PLEKHH2: variants seen among roughly 807,000 people sequenced by gnomAD.
PLEKHH2 encodes pleckstrin homology, MyTH4 and FERM domain containing H2.
In PLEKHH2, 129 loss-of-function variants were observed where a neutral mutation model predicts 187.9. The ratio of observed to expected loss-of-function variants is 0.69; its 90% CI spans 0.59 to 0.79. The LOEUF (loss-of-function observed/expected upper bound fraction) is 0.79. PLEKHH2 is among the 30% of genes least tolerant of loss of function. The probability of loss-of-function intolerance (pLI) is 0.00; values close to 1 mark genes in which losing one functional copy is unlikely to be tolerated. For synonymous variants in PLEKHH2, 686 were observed against 605.6 expected (o/e 1.13, Z -1.95); for missense variants, 2,076 against 1,751.2 (o/e 1.19, Z -3.31).
chr2:43,741,580 A>C (rs1442813153), intron 21 of PLEKHH2, among the ~76,000 whole-genome samples: 1 of 152,224 alleles, frequency 6.6e-6, no homozygotes, highest in East Asian at 1.9e-4. Flanking sequence ...TTTGTCCACC[A>C]AGAGGTTTGT....
At chr2:43,680,624 C>A in intron 3 of PLEKHH2, 1 of 277,332 alleles carries the variant, frequency 3.6e-6, no homozygotes, top group Non-Finnish European at 7.1e-6. Context: ...CTGTTCTTTC[C>A]ACTAATTTTG....
intron 14 of PLEKHH2, chr2:43,711,227 CT>C (rs1319406586): frequency 8.9e-5 from 88 of 985,344 alleles, no homozygotes; most frequent in Non-Finnish European, 1.0e-4. Context: ...TATATTGCTC[CT>C]TTGGAGGGTG....
In PLEKHH2 at chr2:43,656,894, C is replaced by A. The variant is rs12993742; in HGVS notation, c.123+12098C>A. ...ATTAGCCAGGCATGGTGGCAAGTAT[C>A]TGTAATCCCAGCTACTTGGGAGGCT... On this transcript the variant is annotated intron_variant, in intron 2 of 29. Transcript: ENST00000282406. Among the ~76,000 whole-genome samples, 573 of 152,054 alleles carry A rather than the reference C, an allele frequency of 3.8e-3. 3 individuals are homozygous for A. The highest frequency in any genetic ancestry group is 4.8e-3 in the Non-Finnish European group (324 of 67,980).
At chr2:43,765,308 C>A in intron 29 of PLEKHH2, 105 bp from the exon 30 acceptor site, 1 of 1,037,532 alleles carries the variant, frequency 9.6e-7, no homozygotes, top group Non-Finnish European at 1.4e-6. Context: ...ATTCTGGTAG[C>A]CTGGGCACTT....
chr2:43,757,401 G>A lies in PLEKHH2; in HGVS notation c.3941+137G>A, dbSNP rs536168800. 4 of 575,206 alleles carry A rather than the reference G, an allele frequency of 7.0e-6. No individual in the cohort carries two copies. In the South Asian group the frequency reaches 2.5e-4, roughly 37 times the overall value. The allele number at this position is 575,206 out of a possible 1,614,324, so 35.6% of individuals were successfully genotyped here. A position where few individuals can be genotyped will look rare whatever the true frequency, so the allele number is the denominator to read the frequency against. ...TTTTTAACATGATTGAGCCACAGGA[G>A]ATTATAGATTTTTTTTCTTTCTTTT... On this transcript the variant is annotated intron_variant, in intron 26 of 29. Coordinates refer to ENST00000282406, the MANE Select transcript of PLEKHH2 (RefSeq NM_172069.4).
At chr2:43,698,588 A>G (rs1198078016) in intron 7 of PLEKHH2, among the ~76,000 whole-genome samples, 2 of 151,558 alleles carry the variant, frequency 1.3e-5, no homozygotes, top group Admixed American at 1.3e-4. Context: ...AGCCATTTTC[A>G]TTTCCTTCCC....
At chr2:43,651,762 T>A (rs969021756) in intron 2 of PLEKHH2, among the ~76,000 whole-genome samples, 3 of 152,220 alleles carry the variant, frequency 2.0e-5, no homozygotes, top group Admixed American at 2.0e-4. Flanking sequence ...ATCTCTGTAA[T>A]GGGAATAACA....
Position 43,710,533 on chromosome 2 carries a change from A to G in PLEKHH2, c.2259A>G (p.Ala753=), listed in dbSNP as rs1333357757. The G allele has an allele frequency of 3.8e-6, 6 of 1,596,650 alleles. No individual in the cohort carries two copies. The highest frequency in any genetic ancestry group is 5.1e-6 in the Non-Finnish European group (6 of 1,176,188). The change falls in exon 14 of 30, where the codon GCA becomes GCG. Residue 753 remains alanine, a synonymous_variant. Coordinates refer to ENST00000282406, the MANE Select transcript of PLEKHH2 (RefSeq NM_172069.4). ...RKPQGHIELS[A]SCSILRGDNK... is the part of the protein sequence containing the mutation. ...CCCAGGGCCATATTGAACTTAGTGC[A>G]TCCTGTAGTATTTTAAGAGGAGATA...
chr2:43,722,146 C>T (rs1008846534), intron 16 of PLEKHH2, among the ~76,000 whole-genome samples: 2 of 149,224 alleles, frequency 1.3e-5, no homozygotes, highest in Non-Finnish European at 3.0e-5. Flanking sequence ...GTCCTGGCTA[C>T]TTGGGAGGCT....
At chr2:43,743,753 T>C (rs1176576060) in intron 22 of PLEKHH2, 81 bp from the exon 23 acceptor site, 3 of 1,273,350 alleles carry the variant, frequency 2.4e-6, no homozygotes, top group Non-Finnish European at 3.2e-6. Context: ...ATGCATCAAG[T>C]ATGCTCTGTT....
chr2:43,699,558 A>T, intron 7 of PLEKHH2, 89 bp from the exon 8 acceptor site: 1 of 1,463,030 alleles, frequency 6.8e-7, no homozygotes, highest in South Asian at 1.4e-5. Flanking sequence ...CTACAGTGTC[A>T]ATTTCTACAG....
In PLEKHH2 at chr2:43,700,390, A is replaced by G. The variant is rs763034752; in HGVS notation, c.1432A>G (p.Met478Val). ...TGGTACAAATAGAAACGCTATAAGC[A>G]TGATACGACCACTGAGACCTCAGGA... is the stretch of plus-strand genomic sequence containing the variant. ...MFGTNRNAIS[M>V]IRPLRPQETD... Residue 478 changes from methionine (M) to valine (V), a missense_variant, in exon 8 of 30, where the codon ATG becomes GTG. Transcript: ENST00000282406. 1.9e-6 allele frequency: 3 copies of G among 1,614,074 alleles called. No homozygotes were observed. The highest frequency in any genetic ancestry group is 1.3e-5 in the African/African-American group (1 of 74,928).
chr2:43,651,221 T>C (rs1452437971), intron 2 of PLEKHH2, among the ~76,000 whole-genome samples: 1 of 152,112 alleles, frequency 6.6e-6, no homozygotes, highest in African/African-American at 2.4e-5. Context: ...GTATTCATTA[T>C]GCCTGCCTCA....
intron 25 of PLEKHH2, among the ~76,000 whole-genome samples, chr2:43,756,218 TAATGAG>T (rs145167321): frequency 0.012 from 1,871 of 152,214 alleles, 47 homozygotes; most frequent in African/African-American, 0.043. Flanking sequence ...AGGAACAAAG[TAATGAG>T]AATATGGTTC....
At chr2:43,703,938 T>G in intron 8 of PLEKHH2, 43 bp from the exon 9 acceptor site, 5 of 465,760 alleles carry the variant, frequency 1.1e-5, no homozygotes, top group Admixed American at 3.9e-5. Context: ...TTTTTTTTTT[T>G]TTTGCTTTAA....
chr2:43,725,820 A>C (rs1237190846), intron 16 of PLEKHH2, among the ~76,000 whole-genome samples: 1 of 152,178 alleles, frequency 6.6e-6, no homozygotes, highest in Non-Finnish European at 1.5e-5. Flanking sequence ...ATTTTTAAAA[A>C]GGTATGTTAT....
chr2:43,676,113 A>G (rs1558462381), intron 2 of PLEKHH2: 1 of 1,613,970 alleles, frequency 6.2e-7, no homozygotes, highest in Non-Finnish European at 8.5e-7. Flanking sequence ...TGATACAGAA[A>G]ACACGAATAC....
chr2:43,713,669 T>G (rs1022258143), intron 15 of PLEKHH2, among the ~76,000 whole-genome samples: 2 of 151,634 alleles, frequency 1.3e-5, no homozygotes, highest in African/African-American at 4.8e-5. Flanking sequence ...TGTTTTTTTT[T>G]TTTTTACAAT....
chr2:43,719,768 T>C (rs1670391853), intron 15 of PLEKHH2, among the ~76,000 whole-genome samples: 1 of 152,230 alleles, frequency 6.6e-6, no homozygotes, highest in South Asian at 2.1e-4. Context: ...GTTAGAGTGT[T>C]AACCTAGAGA....
Sources: allele counts gnomAD v4.1 joint callset (sites outside exome capture counted in the v4.1 genomes callset), GRCh38; gene constraint gnomAD v4.1.1; transcripts MANE v1.5; gene names NCBI Gene and HGNC (gene_info 2026-07-23, HGNC 2026-07-21).